NEDD4L: variants seen among roughly 807,000 people sequenced by gnomAD.
NEDD4L encodes NEDD4 like E3 ubiquitin protein ligase, also known as E3 ubiquitin-protein ligase NEDD4-like.
A neutral mutation model predicts 148.9 loss-of-function variants in NEDD4L; 54 were observed. The observed-to-expected ratio is 0.36, with a 90% confidence interval of 0.29 to 0.45. NEDD4L has a LOEUF of 0.45. Among genes scored for constraint, NEDD4L ranks in the 20% least tolerant of loss-of-function variants. NEDD4L has a pLI of 1.00. For synonymous variants in NEDD4L, 433 were observed against 440.7 expected, an observed-to-expected ratio of 0.98 and a Z score of 0.22; for missense variants, 856 against 1,233.8, an observed-to-expected ratio of 0.69 and a Z score of 4.59.
rs1364524154 is a variant in NEDD4L at position 58,044,427 on chromosome 18, C to G, written c.-234C>G. The stretch of plus-strand genomic sequence containing the variant: ...TGCCGCCCGGTGCTCGGCGCGCTCT[C>G]GGGAGCCGCCCGCCCGCTGGTCCCG... On this transcript the variant is annotated 5_prime_UTR_variant, in exon 1 of 31. Coordinates refer to ENST00000400345, the MANE Select transcript of NEDD4L (RefSeq NM_001144967.3). The G allele has an allele frequency of 8.4e-6, 3 of 356,074 alleles. No individual in the cohort carries two copies. Among genetic ancestry groups the G allele is most frequent in the Non-Finnish European group, 9.2e-6 (2 of 216,678 alleles). The allele number at this position is 356,074 out of a possible 1,614,324, so 22.1% of individuals were successfully genotyped here.
chr18:58,045,994 G>A (rs1411695629), intron 1 of NEDD4L: 3 of 151,910 alleles, frequency 2.0e-5, no homozygotes, highest in African/African-American at 7.3e-5. Context: ...CCCTGGCATG[G>A]TGTGTGTGTG....
chr18:58,276,327 G>C (rs1181027305), intron 5 of NEDD4L, among the ~76,000 whole-genome samples: 1 of 151,458 alleles, frequency 6.6e-6, no homozygotes, highest in Non-Finnish European at 1.5e-5. Flanking sequence ...TCCTGCCTCA[G>C]CCTCCTGAGT....
chr18:58,322,496 GTGGGTA>G lies in NEDD4L; in HGVS notation c.410+16_410+21del. 7.0e-7 allele frequency: 1 copy of G among 1,425,688 alleles called. No individual in the cohort carries two copies. The highest frequency in any genetic ancestry group is 9.9e-7 in the Non-Finnish European group (1 of 1,010,712). The allele number at this position is 1,425,688 out of a possible 1,614,324, so 88.3% of individuals were successfully genotyped here. A position where few individuals can be genotyped will look rare whatever the true frequency, so the allele number is the denominator to read the frequency against. ...TCCTCAGACCAAGAAGGTGAGGCTT[GTGGGTA>G]TGGGTGGGTGGGGATGCCTGCCCTG... On this transcript the variant is annotated intron_variant, in intron 7 of 30. Transcript: ENST00000400345.
At chr18:58,320,838 A>G (rs2058708665) in intron 6 of NEDD4L, among the ~76,000 whole-genome samples, 1 of 152,224 alleles carries the variant, frequency 6.6e-6, no homozygotes, top group Non-Finnish European at 1.5e-5. Flanking sequence ...ATGTTGGTTT[A>G]ATAAATGAAA....
chr18:58,115,245 C>CTTTTTTTTT (rs60541981), intron 1 of NEDD4L, among the ~76,000 whole-genome samples: 83 of 129,478 alleles, frequency 6.4e-4, no homozygotes, highest in African/African-American at 8.8e-4. Context: ...TTCTTTCTTT[C>CTTTTTTTTT]TTTTTTTTTT....
intron 1 of NEDD4L, among the ~76,000 whole-genome samples, chr18:58,128,174 G>A (rs1370151208): frequency 6.6e-6 from 1 of 152,102 alleles, no homozygotes; most frequent in Non-Finnish European, 1.5e-5. Flanking sequence ...AGCCTCCCAA[G>A]TGGCTGGGAC....
chr18:58,306,700 A>G (rs1489289674), intron 5 of NEDD4L, among the ~76,000 whole-genome samples: 1 of 151,432 alleles, frequency 6.6e-6, no homozygotes, highest in Non-Finnish European at 1.5e-5. Context: ...ATCTCAGCTC[A>G]CTGTAACCTC....
Position 58,106,037 on chromosome 18 carries a change from C to T in NEDD4L, c.49-59751C>T, listed in dbSNP as rs1187101782. 4.6e-5 allele frequency among the ~76,000 whole-genome samples: 7 copies of T among 152,224 alleles called. No homozygotes were observed. In the East Asian group the frequency reaches 1.2e-3, roughly 25 times the overall value. On this transcript the variant is annotated intron_variant, in intron 1 of 30. Coordinates refer to ENST00000400345, the MANE Select transcript of NEDD4L (RefSeq NM_001144967.3). ...TAGCAGCTCCGGAATGGCCATTTGG[C>T]CCTGTAGAAAGATCATTCTTGGGCA...
At chr18:58,090,162 G>T (rs2083990333) in intron 1 of NEDD4L, among the ~76,000 whole-genome samples, 3 of 152,054 alleles carry the variant, frequency 2.0e-5, no homozygotes, top group Admixed American at 1.3e-4. Flanking sequence ...TTAGAGGGTG[G>T]GCTTTATCTG....
intron 18 of NEDD4L, among the ~76,000 whole-genome samples, chr18:58,353,246 G>A (rs2044153971): frequency 6.6e-6 from 1 of 152,192 alleles, no homozygotes; most frequent in South Asian, 2.1e-4. Context: ...CAGTTCTGCA[G>A]TTACTCCAGC....
chr18:58,053,747 G>A (rs1314353384), intron 1 of NEDD4L, among the ~76,000 whole-genome samples: 5 of 152,174 alleles, frequency 3.3e-5, no homozygotes, highest in African/African-American at 1.2e-4. Flanking sequence ...TCCCATTGTG[G>A]GTAAATGCTG....
chr18:58,338,476 C>T lies in NEDD4L; in HGVS notation c.1126-2562C>T, dbSNP rs561093519. ...TGTAAAGAAACATTTCCAAATTGCC[C>T]TCTCACATAAATGTAACTAAATTAC... is the stretch of plus-strand genomic sequence containing the variant. On this transcript the variant is annotated intron_variant, in intron 13 of 30. Transcript: ENST00000400345. Among the ~76,000 whole-genome samples, 13 of 152,312 alleles carry T rather than the reference C, an allele frequency of 8.5e-5. No homozygotes were observed. In the East Asian group the frequency reaches 2.5e-3, roughly 29 times the overall value.
intron 18 of NEDD4L, among the ~76,000 whole-genome samples, chr18:58,354,393 T>C (rs992714686): frequency 6.6e-6 from 1 of 151,938 alleles, no homozygotes; most frequent in African/African-American, 2.4e-5. Context: ...TGTCCTTTTA[T>C]TGGAAATATA....
intron 24 of NEDD4L, among the ~76,000 whole-genome samples, chr18:58,374,355 A>C (rs1309987631): frequency 2.0e-5 from 3 of 152,096 alleles, no homozygotes; most frequent in African/African-American, 7.2e-5. Flanking sequence ...TGGCTAGGCA[A>C]GGCTCAGAGA....
chr18:58,274,334 G>A (rs751325109), intron 5 of NEDD4L, among the ~76,000 whole-genome samples: 37 of 152,308 alleles, frequency 2.4e-4, no homozygotes, highest in Non-Finnish European at 4.7e-4. Context: ...AAGAGAGAGT[G>A]TACTTAACAT....
intron 2 of NEDD4L, among the ~76,000 whole-genome samples, chr18:58,239,928 A>G (rs1331295301): frequency 2.6e-5 from 4 of 152,216 alleles, no homozygotes; most frequent in African/African-American, 4.8e-5. Flanking sequence ...CTATGTTGAG[A>G]ATGAAAGAGA....
At chr18:58,059,578 C>T (rs1039721112) in intron 1 of NEDD4L, among the ~76,000 whole-genome samples, 4 of 152,132 alleles carry the variant, frequency 2.6e-5, no homozygotes, top group African/African-American at 9.7e-5. Context: ...AGATGTCACT[C>T]CTCCCCTGGA....
Position 58,256,959 on chromosome 18 carries a change from A to G in NEDD4L, c.297+4905A>G, listed in dbSNP as rs2048677091. On this transcript the variant is annotated intron_variant, in intron 5 of 30. Coordinates refer to ENST00000400345, the MANE Select transcript of NEDD4L (RefSeq NM_001144967.3). This position sits in a 1 kb window ranked among gnomAD's most constrained non-coding sequence, Gnocchi z 5.2. ...TCCAGTGTTTGGTGCGCAAAACACC[A>G]TTTCTGCAAATGTCTTCTGTAGGTC... Among the ~76,000 whole-genome samples, 1 of 152,172 alleles carries G rather than the reference A, an allele frequency of 6.6e-6. No homozygotes were observed. Among genetic ancestry groups the G allele is most frequent in the African/African-American group, 2.4e-5 (1 of 41,442 alleles).
chr18:58,293,131 A>G (rs996938337), intron 5 of NEDD4L, among the ~76,000 whole-genome samples: 1 of 152,210 alleles, frequency 6.6e-6, no homozygotes, highest in African/African-American at 2.4e-5. Flanking sequence ...ACAAGAGGAA[A>G]CTTGTATAAT....
Sources: allele counts gnomAD v4.1 joint callset (sites outside exome capture counted in the v4.1 genomes callset), GRCh38; gene constraint gnomAD v4.1.1; non-coding constraint Gnocchi (gnomAD v3.1); transcripts MANE v1.5; gene names NCBI Gene and HGNC (gene_info 2026-07-23, HGNC 2026-07-21).